SIN3B: variants seen among roughly 807,000 people sequenced by gnomAD.
SIN3B encodes SIN3 transcription regulator family member B, also known as paired amphipathic helix protein Sin3b.
A neutral mutation model predicts 120.2 loss-of-function variants in SIN3B; 19 were observed. The observed-to-expected ratio is 0.16, with a 90% confidence interval of 0.11 to 0.23. SIN3B has a LOEUF of 0.23. Among genes scored for constraint, SIN3B ranks in the 10% least tolerant of loss-of-function variants. The probability of loss-of-function intolerance (pLI) is 1.00; values close to 1 mark genes in which losing one functional copy is unlikely to be tolerated. For synonymous variants in SIN3B, 654 were observed against 653.2 expected (o/e 1.00, Z -0.02); for missense variants, 1,073 against 1,573.0 (o/e 0.68, Z 5.38).
chr19:16,869,755 C>T lies in SIN3B; in HGVS notation c.2102C>T (p.Pro701Leu), dbSNP rs145531447. ...ACAGACCCCAGTGAGCGGAAGAAGCCGGCGCCAGGACCCCACAGTAGCCCC... is the reference window on the plus strand; with the variant it reads ...ACAGACCCCAGTGAGCGGAAGAAGCTGGCGCCAGGACCCCACAGTAGCCCC... ...QTTDPSERKKPAPGPHSSPPE... is the reference protein window; with the variant it reads ...QTTDPSERKKLAPGPHSSPPE... Residue 701 changes from proline (P) to leucine (L), a missense_variant, in exon 13 of 19, where the codon CCG (proline) becomes CTG (leucine). Pro to Leu is a moderately conservative substitution (Grantham distance 98, BLOSUM62 -3). Transcript: ENST00000248054. The T allele has an allele frequency of 3.0e-4, 482 of 1,613,318 alleles. 4 individuals are homozygous for T. In the African/African-American group the frequency reaches 4.8e-3, roughly 16 times the overall value.
Position 16,877,611 on chromosome 19 carries a change from T to C in SIN3B, c.2926T>C (p.Phe976Leu). Residue 976 changes from phenylalanine (F) to leucine (L), a missense_variant, in exon 17 of 19, where the codon TTC becomes CTC. Phe to Leu is a conservative substitution (Grantham distance 22). Transcript: ENST00000248054. ...CGCGTCCAGCTCGCCCACTGAGGGCTTCCTCCTGAAACCTGTGTTCCTGCA... is the reference window on the plus strand; with the variant it reads ...CGCGTCCAGCTCGCCCACTGAGGGCCTCCTCCTGAAACCTGTGTTCCTGCA... Reference protein sequence around the residue: ...EGASSSPTEGFLLKPVFLQRN... With the variant: ...EGASSSPTEGLLLKPVFLQRN... 6.2e-7 allele frequency: 1 copy of C among 1,612,012 alleles called. No homozygotes were observed. Among genetic ancestry groups the C allele is most frequent in the Non-Finnish European group, 8.5e-7 (1 of 1,179,384 alleles).
chr19:16,876,320 C>T lies in SIN3B; in HGVS notation c.2766+92C>T. ...TCCTGGGTGGACCCTGGTTCAGCGG[C>T]TGGGACACCGGCCCTGCTGCAGAGC... On this transcript the variant is annotated intron_variant, in intron 15 of 18. Transcript: ENST00000248054. The surrounding 1 kb of genome is among the most constrained non-coding windows in gnomAD (Gnocchi z 7.1). 6.8e-7 allele frequency: 1 copy of T among 1,466,670 alleles called. No individual in the cohort carries two copies. The highest frequency in any genetic ancestry group is 9.2e-7 in the Non-Finnish European group (1 of 1,082,446). The allele number at this position is 1,466,670 out of a possible 1,614,324, so 90.9% of individuals were successfully genotyped here. A position where few individuals can be genotyped will look rare whatever the true frequency, so the allele number is the denominator to read the frequency against.
Position 16,871,374 on chromosome 19 carries a change from G to A in SIN3B, c.2568G>A (p.Lys856=), listed in dbSNP as rs539926381. 1.9e-6 allele frequency: 3 copies of A among 1,612,976 alleles called. No individual in the cohort carries two copies. Among genetic ancestry groups the A allele is most frequent in the South Asian group, 1.1e-5 (1 of 91,000 alleles). Residue 856 remains lysine, a synonymous_variant, in exon 14 of 19, where the codon AAG becomes AAA. Transcript: ENST00000248054. The part of the protein sequence containing the change: ...IHAYVGFTMD[K]LVQNIARQLH... ...CCTACGTGGGCTTCACCATGGACAA[G>A]CTGGTGCAGAACATTGCGCGGCAGG... is the stretch of plus-strand genomic sequence containing the variant.
intron 16 of SIN3B, 92 bp from the exon 17 acceptor site, chr19:16,877,453 C>G (rs1025648437): frequency 3.3e-6 from 3 of 911,866 alleles, no homozygotes; most frequent in African/African-American, 3.3e-5. Flanking sequence ...GGGCACAGAA[C>G]CCCTGTGAGC....
chr19:16,865,310 C>CG (rs933039396), intron 10 of SIN3B, 100 bp from the exon 11 acceptor site: 45 of 548,260 alleles, frequency 8.2e-5, no homozygotes, highest in Non-Finnish European at 1.2e-4. Flanking sequence ...ACACACACCC[C>CG]CCCCCCAAAA....
chr19:16,871,440 A>G (rs767760195), intron 14 of SIN3B, 42 bp downstream of exon 14: 1 of 1,553,490 alleles, frequency 6.4e-7, no homozygotes, highest in South Asian at 1.2e-5. Flanking sequence ...GGACGGCGGA[A>G]ATGGCTCTAC....
chr19:16,878,175 GC>G lies in SIN3B; in HGVS notation c.2955-3del. The G allele has an allele frequency of 1.3e-6, 2 of 1,553,640 alleles. No individual in the cohort carries two copies. Among genetic ancestry groups the G allele is most frequent in the South Asian group, 1.2e-5 (1 of 84,558 alleles). ...GCCAGAGTCCATTCCACCTCCTTTC[GC>G]CCCCAGGAACCTCAAGAAGTTCCGC... On this transcript the variant is annotated splice_polypyrimidine_tract_variant and splice_region_variant and intron_variant, in intron 17 of 18. Transcript: ENST00000248054.
chr19:16,876,303 G>T lies in SIN3B; in HGVS notation c.2766+75G>T. On this transcript the variant is annotated intron_variant, in intron 15 of 18. Transcript: ENST00000248054. The surrounding 1 kb of genome is among the most constrained non-coding windows in gnomAD (Gnocchi z 7.1). ...CTCCGCTCTGGACTCAGTCCTGGGT[G>T]GACCCTGGTTCAGCGGCTGGGACAC... The T allele has an allele frequency of 6.6e-7, 1 of 1,522,166 alleles. No individual in the cohort carries two copies. The highest frequency in any genetic ancestry group is 8.9e-7 in the Non-Finnish European group (1 of 1,123,980). 94.3% of individuals were successfully genotyped at this position (1,522,166 alleles called of 1,614,324 possible). A position where few individuals can be genotyped will look rare whatever the true frequency, so the allele number is the denominator to read the frequency against.
At chr19:16,838,563 C>T (rs934990916) in intron 3 of SIN3B, among the ~76,000 whole-genome samples, 4 of 152,206 alleles carry the variant, frequency 2.6e-5, no homozygotes, top group African/African-American at 9.6e-5. Flanking sequence ...CCACATTTCG[C>T]ATGCCCACTC....
rs1396703948 is a variant in SIN3B at position 16,831,620 on chromosome 19, A to G, written c.354A>G (p.Leu118=). The G allele has an allele frequency of 1.2e-6, 2 of 1,614,062 alleles. No individual in the cohort carries two copies. Among genetic ancestry groups the G allele is most frequent in the Admixed American group, 3.3e-5 (2 of 60,004 alleles). ...YRIDIPKNGK[L]NIQSPLTSQE... Reference sequence around the variant, plus strand: ...TAGACATTCCCAAGAATGGCAAGTTAAACATACAGTCGCCTCTGACAAGCC... The same window carrying G: ...TAGACATTCCCAAGAATGGCAAGTTGAACATACAGTCGCCTCTGACAAGCC... The change falls in exon 3 of 19, where the codon TTA becomes TTG. Residue 118 remains leucine (L), a synonymous_variant. Coordinates refer to ENST00000248054, the MANE Select transcript of SIN3B (RefSeq NM_001297595.2).
intron 14 of SIN3B, 84 bp downstream of exon 14, chr19:16,871,482 C>A: frequency 7.5e-7 from 1 of 1,329,662 alleles, no homozygotes; most frequent in Non-Finnish European, 1.0e-6. Flanking sequence ...GGAGGGGGCC[C>A]GTGGTCAGCA....
Position 16,862,609 on chromosome 19 carries a change from C to G in SIN3B, c.1266+50C>G. On this transcript the variant is annotated intron_variant, in intron 9 of 18. Transcript: ENST00000248054. This position sits in a 1 kb window ranked among gnomAD's most constrained non-coding sequence, Gnocchi z 4.7. ...TTCGTTGACATGGTGCATCCCCCACCCCTCCCCAGCAAACACCCGATACCC... is the reference window on the plus strand; with the variant it reads ...TTCGTTGACATGGTGCATCCCCCACGCCTCCCCAGCAAACACCCGATACCC... 6.7e-7 allele frequency: 1 copy of G among 1,500,128 alleles called. No homozygotes were observed. Among genetic ancestry groups the G allele is most frequent in the Non-Finnish European group, 9.2e-7 (1 of 1,089,950 alleles). 92.9% of individuals were successfully genotyped at this position (1,500,128 alleles called of 1,614,324 possible).
At chr19:16,836,446 T>C (rs1971349897) in intron 3 of SIN3B, among the ~76,000 whole-genome samples, 1 of 152,154 alleles carries the variant, frequency 6.6e-6, no homozygotes, top group Admixed American at 6.5e-5. Flanking sequence ...TAATGTCAGC[T>C]CCACAGAGAG....
At chr19:16,870,113 G>A (rs2051491176) in intron 13 of SIN3B, 38 bp downstream of exon 13, 4 of 1,519,654 alleles carry the variant, frequency 2.6e-6, no homozygotes, top group South Asian at 2.5e-5. Context: ...CCCGGGGGGT[G>A]CCTGGGGTTA....
intron 8 of SIN3B, among the ~76,000 whole-genome samples, chr19:16,857,901 G>A (rs1971638363): frequency 6.6e-6 from 1 of 151,800 alleles, no homozygotes; most frequent in Non-Finnish European, 1.5e-5. Context: ...TTTTGAGACG[G>A]AGTCTAACTC....
At chr19:16,877,205 G>A (rs999281003) in intron 16 of SIN3B, 11 of 319,116 alleles carry the variant, frequency 3.4e-5, no homozygotes, top group South Asian at 9.2e-5. Context: ...TTCCCTCAAC[G>A]TCCTGGAGGT....
chr19:16,836,217 G>A (rs1008282519), intron 3 of SIN3B, among the ~76,000 whole-genome samples: 3 of 152,212 alleles, frequency 2.0e-5, no homozygotes, highest in Non-Finnish European at 4.4e-5. Context: ...GCTTCTAGAT[G>A]TGATAACCTA....
Position 16,865,468 on chromosome 19 carries a change from A to G in SIN3B, c.1442A>G (p.Lys481Arg), listed in dbSNP as rs1971755274. Residue 481 changes from lysine to arginine, a missense_variant, in exon 11 of 19, where the codon AAG becomes AGG. By Grantham distance (26) the Lys-to-Arg change is conservative. Coordinates refer to ENST00000248054, the MANE Select transcript of SIN3B (RefSeq NM_001297595.2). The stretch of plus-strand genomic sequence containing the variant: ...ATCCGTGTGTTGGAAAGTGTGCAGA[A>G]GAAGCTGTCTCGGATGGCGCCGGAA... ...ATIRVLESVQ[K>R]KLSRMAPEDQ... 6.2e-7 allele frequency: 1 copy of G among 1,613,210 alleles called. No homozygotes were observed. The highest frequency in any genetic ancestry group is 1.3e-5 in the African/African-American group (1 of 74,842).
At chr19:16,847,388 T>C (rs1319767172) in intron 5 of SIN3B, among the ~76,000 whole-genome samples, 1 of 152,190 alleles carries the variant, frequency 6.6e-6, no homozygotes, top group African/African-American at 2.4e-5. Context: ...CAGTGGAGAC[T>C]ATGGGCCCAG....
Sources: allele counts gnomAD v4.1 joint callset (sites outside exome capture counted in the v4.1 genomes callset), GRCh38; gene constraint gnomAD v4.1.1; non-coding constraint Gnocchi (gnomAD v3.1); transcripts MANE v1.5; gene names NCBI Gene and HGNC (gene_info 2026-07-23, HGNC 2026-07-21).